The following DIAPH2 variants were observed in gnomAD, a reference collection of about 807,000 sequenced individuals.
DIAPH2 encodes the protein diaphanous related formin 2, also known as protein diaphanous homolog 2.
In DIAPH2, 35 loss-of-function variants were observed where a neutral mutation model predicts 92.7. The ratio of observed to expected loss-of-function variants is 0.38; its 90% CI spans 0.29 to 0.50. The LOEUF is 0.50. DIAPH2 is among the 20% of genes least tolerant of loss of function. The pLI is 0.94. For missense variants in DIAPH2, 701 were observed against 819.5 expected (o/e 0.86, Z 1.77); for synonymous variants, 301 against 280.4 (o/e 1.07, Z -0.73).
chrX:97,242,589 C>G (rs1165958269), intron 22 of DIAPH2, among the ~76,000 whole-genome samples: 1 of 109,273 alleles, frequency 9.2e-6, no homozygotes, highest in African/African-American at 3.3e-5. Flanking sequence ...TGGTCTCAAA[C>G]TCCTGACCTC....
intron 22 of DIAPH2, among the ~76,000 whole-genome samples, chrX:97,202,262 C>T (rs1365436839): frequency 9.0e-6 from 1 of 111,545 alleles, no homozygotes; most frequent in Non-Finnish European, 1.9e-5. Flanking sequence ...AACTAATGTG[C>T]AAAATAACCA....
At chrX:96,746,255 G>T (rs1437210458) in intron 3 of DIAPH2, among the ~76,000 whole-genome samples, 2 of 112,154 alleles carry the variant, frequency 1.8e-5, no homozygotes, top group African/African-American at 6.5e-5. Context: ...TATTAAGAGA[G>T]TGTCTTTCAT....
chrX:96,754,952 A>AG (rs2064216845), intron 3 of DIAPH2, among the ~76,000 whole-genome samples: 5 of 102,837 alleles, frequency 4.9e-5, no homozygotes, highest in Non-Finnish European at 7.9e-5. Context: ...AAAAAAAAAA[A>AG]GGAAATAGAT....
chrX:97,579,026 T>G (rs1414463165), intron 26 of DIAPH2, among the ~76,000 whole-genome samples: 1 of 100,529 alleles, frequency 9.9e-6, no homozygotes, highest in African/African-American at 3.6e-5. Context: ...TTGTTTGTTT[T>G]TTTCTTGTAA....
In DIAPH2 at chrX:97,161,464, G is replaced by A. The variant is rs1021056992; in HGVS notation, c.2719+19670G>A. The stretch of plus-strand genomic sequence containing the variant: ...CACCCAGGCTGGAGTGCAATGGCAC[G>A]ATATTGGCTCACTGCAACCTTCACC... On this transcript the variant is annotated intron_variant, in intron 22 of 26. Transcript: ENST00000324765. Among the ~76,000 whole-genome samples the A allele has an allele frequency of 4.6e-5, 5 of 109,637 alleles. No homozygotes were observed. In the East Asian group the frequency reaches 1.1e-3, roughly 25 times the overall value.
intron 22 of DIAPH2, among the ~76,000 whole-genome samples, chrX:97,215,813 A>T (rs2067878962): frequency 8.9e-6 from 1 of 112,329 alleles, no homozygotes; most frequent in South Asian, 3.7e-4. Context: ...TCATACACTT[A>T]CAGAGAATGT....
At position 96,889,122 on chromosome X, in the gene DIAPH2, G is replaced by A. The variant is rs1364904569; in HGVS notation, c.587+7404G>A. Among the ~76,000 whole-genome samples, 3 of 111,806 alleles carry A rather than the reference G, an allele frequency of 2.7e-5. No homozygotes were observed. The East Asian group carries it at 8.4e-4, about 31-fold the overall frequency. On this transcript the variant is annotated intron_variant, in intron 5 of 26. Transcript: ENST00000324765. The stretch of plus-strand genomic sequence containing the variant: ...CCTTTGTACTCATCTATCAGCTTAA[G>A]AGACAAAACATTATTTTTTGCTGTG...
chrX:97,156,871 T>G (rs1386162984), intron 22 of DIAPH2, among the ~76,000 whole-genome samples: 2 of 111,654 alleles, frequency 1.8e-5, no homozygotes, highest in African/African-American at 6.5e-5. Context: ...GTAAAAGTTT[T>G]AGAATAAGCT....
intron 17 of DIAPH2, among the ~76,000 whole-genome samples, chrX:97,049,680 C>T (rs1249856296): frequency 9.0e-6 from 1 of 111,018 alleles, no homozygotes; most frequent in African/African-American, 3.3e-5. Flanking sequence ...AGAACTCATA[C>T]ACTCAGTGTT....
chrX:97,425,690 A>T (rs1390199791), intron 25 of DIAPH2, among the ~76,000 whole-genome samples: 1 of 108,241 alleles, frequency 9.2e-6, no homozygotes, highest in African/African-American at 3.4e-5. Context: ...CTGAGGCAGG[A>T]GAATCGCTTG....
chrX:96,942,972 A>G (rs888252278), intron 13 of DIAPH2, among the ~76,000 whole-genome samples: 13 of 99,970 alleles, frequency 1.3e-4, no homozygotes, highest in Non-Finnish European at 2.3e-4. Flanking sequence ...ATAACTTATT[A>G]TTTATGTATT....
chrX:97,295,507 G>T (rs889399479), intron 23 of DIAPH2, among the ~76,000 whole-genome samples: 2 of 110,945 alleles, frequency 1.8e-5, no homozygotes, highest in African/African-American at 6.6e-5. Flanking sequence ...TATGTGCCAG[G>T]CCTTTAACAT....
intron 26 of DIAPH2, among the ~76,000 whole-genome samples, chrX:97,470,713 A>G (rs775090434): frequency 5.5e-5 from 6 of 109,332 alleles, no homozygotes; most frequent in Admixed American, 2.0e-4. Context: ...AAAAACAACC[A>G]CGCAAGAGAC....
chrX:97,366,226 G>A, intron 24 of DIAPH2, among the ~76,000 whole-genome samples: 1 of 111,596 alleles, frequency 9.0e-6, no homozygotes, highest in African/African-American at 3.3e-5. Context: ...AATAATAAAT[G>A]GTCTTTTAGA....
At chrX:97,424,897 T>C (rs2070046337) in intron 25 of DIAPH2, among the ~76,000 whole-genome samples, 1 of 111,936 alleles carries the variant, frequency 8.9e-6, no homozygotes, top group African/African-American at 3.2e-5. Context: ...AGTGCTGGGA[T>C]TACAGGCATG....
intron 22 of DIAPH2, among the ~76,000 whole-genome samples, chrX:97,190,440 A>G (rs113166118): frequency 8.9e-6 from 1 of 112,773 alleles, no homozygotes; most frequent in Non-Finnish European, 1.9e-5. Context: ...TTTAAACTAT[A>G]TATTGTGTAA....
rs1035059446 is a variant in DIAPH2 at position 97,076,610 on chromosome X, C to T, written c.2247+1349C>T. On this transcript the variant is annotated intron_variant, in intron 19 of 26. Coordinates refer to ENST00000324765, the MANE Select transcript of DIAPH2 (RefSeq NM_006729.5). ...TTATGCTATAACTTTAACAATTTTG[C>T]CATATTCCCTGCAAACTCTAAATCT... 3.6e-5 allele frequency among the ~76,000 whole-genome samples: 4 copies of T among 111,504 alleles called. No individual in the cohort carries two copies. The East Asian group carries it at 8.4e-4, about 23-fold the overall frequency.
intron 23 of DIAPH2, among the ~76,000 whole-genome samples, chrX:97,305,549 G>T (rs1452740586): frequency 9.1e-6 from 1 of 109,402 alleles, no homozygotes; most frequent in Admixed American, 9.9e-5. Flanking sequence ...GCTAGGCGCG[G>T]TGGCTCATGC....
At chrX:97,419,135 C>T (rs1442444383) in intron 25 of DIAPH2, among the ~76,000 whole-genome samples, 1 of 110,907 alleles carries the variant, frequency 9.0e-6, no homozygotes, top group African/African-American at 3.3e-5. Flanking sequence ...TGTTGGCCCA[C>T]ACTGGCCTTG....
Sources: gnomAD v4.1 joint callset for allele counts (sites outside exome capture counted in the v4.1 genomes callset) on GRCh38, gnomAD v4.1.1 for gene constraint, MANE v1.5 for transcripts, NCBI Gene and HGNC (gene_info 2026-07-23, HGNC 2026-07-21) for gene names.